RSRC2: variants seen among roughly 807,000 people sequenced by gnomAD.
The protein encoded by RSRC2 is arginine and serine rich coiled-coil 2, also known as arginine/serine-rich coiled-coil protein 2.
In RSRC2, 5 loss-of-function variants were observed where a neutral mutation model predicts 61.3. The observed-to-expected ratio is 0.08, with a 90% confidence interval of 0.04 to 0.17. The LOEUF is 0.17. RSRC2 is among the 10% of genes least tolerant of loss of function. The probability of loss-of-function intolerance (pLI) is 1.00; values close to 1 mark genes in which losing one functional copy is unlikely to be tolerated. For synonymous variants in RSRC2, 202 were observed against 166.5 expected, an observed-to-expected ratio of 1.21 and a Z score of -1.64; for missense variants, 381 against 518.8, an observed-to-expected ratio of 0.73 and a Z score of 2.58.
At chr12:122,517,548 TTA>T in intron 4 of RSRC2, 118 bp from the exon 5 acceptor site, 1 of 1,184,788 alleles carries the variant, frequency 8.4e-7, no homozygotes. Context: ...CTGCACTATA[TTA>T]TTTACAGAAA....
chr12:122,514,673 C>A, intron 6 of RSRC2: 1 of 1,132,980 alleles, frequency 8.8e-7, no homozygotes, highest in Non-Finnish European at 1.1e-6. Flanking sequence ...CTGTTAATTG[C>A]CATCTTCAAA....
chr12:122,510,878 C>T (rs1258723202), intron 7 of RSRC2, among the ~76,000 whole-genome samples: 1 of 149,596 alleles, frequency 6.7e-6, no homozygotes, highest in African/African-American at 2.5e-5. Flanking sequence ...AAGGTCCTCT[C>T]TACAAAAAAT....
chr12:122,504,388 G>C lies in RSRC2; in HGVS notation c.*1139C>G, dbSNP rs1958005601. 1 of 152,224 alleles carries C rather than the reference G, an allele frequency of 6.6e-6. No individual in the cohort carries two copies. Among genetic ancestry groups the C allele is most frequent in the South Asian group, 2.1e-4 (1 of 4,832 alleles). 9.4% of individuals were successfully genotyped at this position (152,224 alleles called of 1,614,324 possible). On this transcript the variant is annotated 3_prime_UTR_variant, in exon 10 of 10. Transcript: ENST00000331738. Reference sequence around the variant, plus strand: ...CACGCCTATAATCCCGGCACTTTGGGAGGCTGAGGAGGGTGGATCACCTGA... The same window carrying C: ...CACGCCTATAATCCCGGCACTTTGGCAGGCTGAGGAGGGTGGATCACCTGA...
chr12:122,521,632 G>A (rs901543537), intron 2 of RSRC2, among the ~76,000 whole-genome samples: 6 of 152,104 alleles, frequency 3.9e-5, no homozygotes, highest in African/African-American at 1.2e-4. Flanking sequence ...AGGACATAAA[G>A]CAGCCTAGAT....
Position 122,520,543 on chromosome 12 carries a change from T to A in RSRC2, c.207+842A>T, listed in dbSNP as rs753750241. ...GGCTTATTATTTTGCTATCTGAGTCTGCAGCGTCTTCAGTTCAGTCTCTTC... is the reference window on the plus strand; with the variant it reads ...GGCTTATTATTTTGCTATCTGAGTCAGCAGCGTCTTCAGTTCAGTCTCTTC... On this transcript the variant is annotated intron_variant, in intron 3 of 9. Coordinates refer to ENST00000331738, the MANE Select transcript of RSRC2 (RefSeq NM_023012.6). 5.1e-6 allele frequency: 7 copies of A among 1,367,762 alleles called. No homozygotes were observed. The South Asian group carries it at 8.0e-5, about 16-fold the overall frequency. The allele number at this position is 1,367,762 out of a possible 1,614,324, so 84.7% of individuals were successfully genotyped here.
intron 6 of RSRC2, chr12:122,514,754 TAAAGG>T: frequency 8.9e-7 from 1 of 1,128,176 alleles, no homozygotes; most frequent in Non-Finnish European, 1.1e-6. Flanking sequence ...AAACAAAAAG[TAAAGG>T]AAAAGTCATC....
chr12:122,512,495 A>AGGTGGGT (rs1482820573), intron 6 of RSRC2, among the ~76,000 whole-genome samples: 13 of 152,176 alleles, frequency 8.5e-5, no homozygotes, highest in African/African-American at 2.7e-4. Flanking sequence ...TGGGAGGCTG[A>AGGTGGGT]GGTGGGTGGA....
intron 3 of RSRC2, chr12:122,519,904 G>A (rs1959173425): frequency 6.6e-6 from 1 of 152,614 alleles, no homozygotes; most frequent in African/African-American, 2.4e-5. Context: ...AATTCATCTT[G>A]TAGTGAAAGT....
intron 2 of RSRC2, 61 bp downstream of exon 2, chr12:122,522,081 AC>A (rs1028518528): frequency 2.7e-6 from 4 of 1,478,482 alleles, no homozygotes; most frequent in Middle Eastern, 4.8e-4. Flanking sequence ...GTCTTCTTAT[AC>A]AACAGGTCTA....
intron 1 of RSRC2, among the ~76,000 whole-genome samples, chr12:122,523,973 G>A (rs1959651396): frequency 6.6e-6 from 1 of 152,182 alleles, no homozygotes; most frequent in Non-Finnish European, 1.5e-5. Flanking sequence ...AAAAAGAACA[G>A]TAAGAAATTA....
intron 5 of RSRC2, among the ~76,000 whole-genome samples, chr12:122,516,308 T>C (rs965606501): frequency 3.3e-5 from 5 of 152,226 alleles, no homozygotes; most frequent in African/African-American, 9.6e-5. Context: ...GTTTTCCTCC[T>C]GTGCTCTTTA....
In RSRC2 at chr12:122,504,044, G is replaced by C. The variant is rs958554106; in HGVS notation, c.*1483C>G. 6.6e-6 allele frequency: 1 copy of C among 151,546 alleles called. No individual in the cohort carries two copies. Among genetic ancestry groups the C allele is most frequent in the Non-Finnish European group, 1.5e-5 (1 of 67,920 alleles). The allele number at this position is 151,546 out of a possible 1,614,324, so 9.4% of individuals were successfully genotyped here. A position where few individuals can be genotyped will look rare whatever the true frequency, so the allele number is the denominator to read the frequency against. Reference sequence around the variant, plus strand: ...TGCAATGCACTGCACTCCAGCCTAGGACAGAAAGCAAAAAAAAAGAAAACA... The same window carrying C: ...TGCAATGCACTGCACTCCAGCCTAGCACAGAAAGCAAAAAAAAAGAAAACA... On this transcript the variant is annotated 3_prime_UTR_variant, in exon 10 of 10. Coordinates refer to ENST00000331738, the MANE Select transcript of RSRC2 (RefSeq NM_023012.6).
At position 122,505,691 on chromosome 12, in the gene RSRC2, C is replaced by G; in HGVS notation, c.1141G>C (p.Gly381Arg). 6.2e-7 allele frequency: 1 copy of G among 1,613,568 alleles called. No individual in the cohort carries two copies. Among genetic ancestry groups the G allele is most frequent in the Non-Finnish European group, 8.5e-7 (1 of 1,179,672 alleles). The change falls in exon 10 of 10, where the codon GGA becomes CGA. Residue 381 changes from glycine to arginine, a missense_variant. Gly to Arg is a moderately radical substitution (Grantham distance 125). Transcript: ENST00000331738. ...CTTTCTTCATCAACTGAGCTACATC[C>G]AGCTTCATCTTCACTCTAAAAATCA... ...LMGIKSEDEA[G>R]CSSVDEESYK...
At position 122,525,801 on chromosome 12, in the gene RSRC2, GTTTTTTTTTTTTTTTTT is replaced by G. The variant is rs1169838098; in HGVS notation, c.6+1030_6+1046del. Among the ~76,000 whole-genome samples, 31 of 21,504 alleles carry G rather than the reference GTTTTTTTTTTTTTTTTT, an allele frequency of 1.4e-3. 7 individuals carry two copies. In the South Asian group the frequency reaches 0.06, roughly 42 times the overall value. 14.1% of individuals were successfully genotyped at this position (21,504 alleles called of 152,430 possible). On this transcript the variant is annotated intron_variant, in intron 1 of 9. Transcript: ENST00000331738. ...GTAGCTCCTCTGGGGTCAACGAAGA[GTTTTTTTTTTTTTTTTT>G]TTTTTTTTTTTTTTTTTTTTTGAGA...
In RSRC2 at chr12:122,515,137, T is replaced by C; in HGVS notation, c.693A>G (p.Thr231=). The part of the protein sequence containing the change: ...PSPPPFRGRN[T]AMDAQEALAR... ...CTAAAGCTTCCTGTGCATCCATTGC[T>C]GTGTTTCTGCCTCTGAAGGGAGGTG... is the stretch of plus-strand genomic sequence containing the variant. Residue 231 remains threonine, a synonymous_variant, in exon 6 of 10, where the codon ACA becomes ACG. Transcript: ENST00000331738. The C allele has an allele frequency of 6.2e-7, 1 of 1,614,160 alleles. No individual in the cohort carries two copies. Among genetic ancestry groups the C allele is most frequent in the Non-Finnish European group, 8.5e-7 (1 of 1,180,010 alleles).
rs1960185331 is a variant in RSRC2, at chr12:122,525,817, T to TGA, written c.6+1030_6+1031insTC. On this transcript the variant is annotated intron_variant, in intron 1 of 9. Coordinates refer to ENST00000331738, the MANE Select transcript of RSRC2 (RefSeq NM_023012.6). ...CAACGAAGAGTTTTTTTTTTTTTTT[T>TGA]TTTTTTTTTTTTTTTTTTTTTTGAG... Among the ~76,000 whole-genome samples the TGA allele has an allele frequency of 5.9e-4, 4 of 6,760 alleles. No homozygotes were observed. In the South Asian group the frequency reaches 0.02, roughly 33 times the overall value. The allele number at this position is 6,760 out of a possible 152,430, so 4.4% of individuals were successfully genotyped here. A position where few individuals can be genotyped will look rare whatever the true frequency, so the allele number is the denominator to read the frequency against.
At chr12:122,510,447 T>A (rs183520129) in intron 7 of RSRC2, among the ~76,000 whole-genome samples, 131 of 152,206 alleles carry the variant, frequency 8.6e-4, no homozygotes, top group Middle Eastern at 3.4e-3. Flanking sequence ...GAGAATCGCT[T>A]AAATCCAAGA....
In RSRC2 at chr12:122,517,260, G is replaced by C. The variant is rs1959011694; in HGVS notation, c.569C>G (p.Thr190Ser). ...ACTCCTTGTCCTACTCCTGCTTCTA[G>C]TCCTATGCCTGTGTCTTGATCTTGA... is the stretch of plus-strand genomic sequence containing the variant. ...SRSRSRHRHR[T>S]RSRSRTRSRS... The change falls in exon 5 of 10, where the codon ACT becomes AGT. Residue 190 changes from threonine (T) to serine (S), a missense_variant. Physicochemically the swap from Thr to Ser is moderately conservative, Grantham distance 58. Transcript: ENST00000331738. 1 of 1,614,028 alleles carries C rather than the reference G, an allele frequency of 6.2e-7. No individual in the cohort carries two copies. Among genetic ancestry groups the C allele is most frequent in the Non-Finnish European group, 8.5e-7 (1 of 1,180,008 alleles).
chr12:122,511,276 G>T, intron 6 of RSRC2, 88 bp from the exon 7 acceptor site: 1 of 920,616 alleles, frequency 1.1e-6, no homozygotes, highest in Non-Finnish European at 1.6e-6. Flanking sequence ...ACAGAGACAA[G>T]CCAACTTCCA....
Sources: allele counts gnomAD v4.1 joint callset (sites outside exome capture counted in the v4.1 genomes callset), GRCh38; gene constraint gnomAD v4.1.1; transcripts MANE v1.5; gene names NCBI Gene and HGNC (gene_info 2026-07-23, HGNC 2026-07-21).